Variants in ADAM20 observed in about 807,000 individuals in gnomAD.
The protein encoded by ADAM20 is ADAM metallopeptidase domain 20.
For synonymous variants in ADAM20, 305 were observed against 310.2 expected, an observed-to-expected ratio of 0.98 and a Z score of 0.18; for missense variants, 871 against 883.2, an observed-to-expected ratio of 0.99 and a Z score of 0.18.
At chr14:70,543,784 A>C in the ADAM20 span, among the ~76,000 whole-genome samples, 1 of 152,178 alleles carries the variant, frequency 6.6e-6, no homozygotes. Flanking sequence ...AAAACTCTCC[A>C]ACCCCTTGTC....
the ADAM20 span, among the ~76,000 whole-genome samples, chr14:70,577,482 G>A: frequency 2.6e-5 from 4 of 152,094 alleles, no homozygotes. Context: ...GGAGTAACTG[G>A]CACCAAATAC....
chr14:70,569,919 C>T, the ADAM20 span, among the ~76,000 whole-genome samples: 1 of 134,386 alleles, frequency 7.4e-6, no homozygotes, highest in African/African-American at 2.7e-5. Flanking sequence ...AAAAAACACT[C>T]TGGACTTAAA....
At chr14:70,568,819 CA>C in the ADAM20 span, among the ~76,000 whole-genome samples, 3 of 150,740 alleles carry the variant, frequency 2.0e-5, no homozygotes, top group Non-Finnish European at 3.0e-5. Flanking sequence ...CCAGATAAAG[CA>C]AAAAAAAGAA....
chr14:70,534,094 A>C (rs1454118365), intron 1 of ADAM20, among the ~76,000 whole-genome samples: 15 of 147,960 alleles, frequency 1.0e-4, no homozygotes, highest in African/African-American at 3.5e-4. Flanking sequence ...AAAAAAAAAA[A>C]AAAAAAAAAA....
Position 70,523,599 on chromosome 14 carries a change from T to C in ADAM20, c.1159A>G (p.Ser387Gly), listed in dbSNP as rs1883507852. Residue 387 changes from serine to glycine, a missense_variant, in exon 2 of 2, where the codon AGT becomes GGT. Transcript: ENST00000256389. ...SNCSYAQYWD[S>G]TISSGLCIQP... ...ATACATAATCCACTACTGATAGTAC[T>C]GTCCCAATATTGGGCATAACTGCAG... The C allele has an allele frequency of 6.8e-6, 11 of 1,614,108 alleles. No homozygotes were observed. Among genetic ancestry groups the C allele is most frequent in the Non-Finnish European group, 8.5e-6 (10 of 1,179,996 alleles).
chr14:70,535,980 A>G (rs1883823231), upstream of ADAM20, among the ~76,000 whole-genome samples: 1 of 152,242 alleles, frequency 6.6e-6, no homozygotes, highest in African/African-American at 2.4e-5. Context: ...TCATTCAGTA[A>G]CTGATAGAAC....
upstream of ADAM20, among the ~76,000 whole-genome samples, chr14:70,538,538 G>GT (rs1351002846): frequency 2.2e-4 from 33 of 152,194 alleles, no homozygotes; most frequent in African/African-American, 7.0e-4. Context: ...CCTGGAAAAG[G>GT]TTTTTTCCCA....
the ADAM20 span, among the ~76,000 whole-genome samples, chr14:70,578,522 C>A: frequency 1.1e-4 from 17 of 152,128 alleles, no homozygotes; most frequent in Non-Finnish European, 2.4e-4. Flanking sequence ...AGCGTCTGCA[C>A]AGCGAAAGAA....
the ADAM20 span, among the ~76,000 whole-genome samples, chr14:70,575,223 C>A: frequency 6.6e-6 from 1 of 151,506 alleles, no homozygotes; most frequent in Non-Finnish European, 1.5e-5. Flanking sequence ...GAGGCAGAGT[C>A]TTGCTCGGTC....
the ADAM20 span, among the ~76,000 whole-genome samples, chr14:70,573,607 A>G: frequency 6.6e-6 from 1 of 152,334 alleles, no homozygotes; most frequent in East Asian, 1.9e-4. Flanking sequence ...AGTGACTACA[A>G]AAACAAGATC....
chr14:70,536,142 G>T (rs564833528), upstream of ADAM20, among the ~76,000 whole-genome samples: 191 of 152,134 alleles, frequency 1.3e-3, 1 homozygote, highest in African/African-American at 4.0e-3. Context: ...AATATCCATG[G>T]GCATAATGGA....
At chr14:70,571,352 A>T in the ADAM20 span, among the ~76,000 whole-genome samples, 2 of 152,180 alleles carry the variant, frequency 1.3e-5, no homozygotes, top group African/African-American at 4.8e-5. Flanking sequence ...ATAGTGAATC[A>T]GTTCTCACAG....
rs759851332 is a variant in ADAM20, at chr14:70,524,913, C to T, written c.-156G>A. Reference sequence around the variant, plus strand: ...TCCTGGTGGAGCTGGACCATCAGAGCTGCAGTGCTGAAAATAAAAACTGAA... The same window carrying T: ...TCCTGGTGGAGCTGGACCATCAGAGTTGCAGTGCTGAAAATAAAAACTGAA... On this transcript the variant is annotated 5_prime_UTR_variant, in exon 2 of 2. Coordinates refer to ENST00000256389, the MANE Select transcript of ADAM20 (RefSeq NM_003814.5). The T allele has an allele frequency of 1.3e-6, 2 of 1,584,540 alleles. No individual in the cohort carries two copies. Among genetic ancestry groups the T allele is most frequent in the South Asian group, 2.3e-5 (2 of 87,204 alleles).
chr14:70,524,689 C>T lies in ADAM20; in HGVS notation c.69G>A (p.Leu23=), dbSNP rs952524221. ...TLLLLWFGMF[L]SISGHSQARP... ...TGGCCTGAGAGTGGCCAGAAATAGACAAAAACATCCCAAACCAGAGCAGCA... is the reference window on the plus strand; with the variant it reads ...TGGCCTGAGAGTGGCCAGAAATAGATAAAAACATCCCAAACCAGAGCAGCA... Residue 23 remains leucine, a synonymous_variant, in exon 2 of 2, where the codon TTG becomes TTA. Transcript: ENST00000256389. 2.7e-5 allele frequency: 44 copies of T among 1,613,908 alleles called. No individual in the cohort carries two copies. The highest frequency in any genetic ancestry group is 5.0e-5 in the Admixed American group (3 of 59,976).
chr14:70,567,329 G>A, the ADAM20 span, among the ~76,000 whole-genome samples: 2 of 152,190 alleles, frequency 1.3e-5, no homozygotes, highest in Non-Finnish European at 2.9e-5. Context: ...TGGGCCCCCA[G>A]GAAGTTGTGA....
In ADAM20 at chr14:70,523,113, T is replaced by C. The variant is rs756866099; in HGVS notation, c.1645A>G (p.Thr549Ala). 2.5e-6 allele frequency: 4 copies of C among 1,613,928 alleles called. No homozygotes were observed. Among genetic ancestry groups the C allele is most frequent in the Non-Finnish European group, 3.4e-6 (4 of 1,179,958 alleles). Reference protein sequence around the residue: ...NRFGHCGIVGTTYVKCWTPDI... With the variant: ...NRFGHCGIVGATYVKCWTPDI... ...GGGGTCCAACATTTTACATATGTTGTGCCTACAATACCACAGTGACCGAAA... is the reference window on the plus strand; with the variant it reads ...GGGGTCCAACATTTTACATATGTTGCGCCTACAATACCACAGTGACCGAAA... The change falls in exon 2 of 2, where the codon ACA (threonine) becomes GCA (alanine). Residue 549 changes from threonine (T) to alanine (A), a missense_variant. Coordinates refer to ENST00000256389, the MANE Select transcript of ADAM20 (RefSeq NM_003814.5).
Position 70,523,143 on chromosome 14 carries a change from T to C in ADAM20, c.1615A>G (p.Asn539Asp). The change falls in exon 2 of 2, where the codon AAC (asparagine) becomes GAC (aspartate). Residue 539 changes from asparagine to aspartate, a missense_variant. Coordinates refer to ENST00000256389, the MANE Select transcript of ADAM20 (RefSeq NM_003814.5). Reference sequence around the variant, plus strand: ...ACAATACCACAGTGACCGAAACGGTTTCCTTGGGTGTTGATTTCTTGGTAG... The same window carrying C: ...ACAATACCACAGTGACCGAAACGGTCTCCTTGGGTGTTGATTTCTTGGTAG... ...SCYQEINTQG[N>D]RFGHCGIVGT... 4 of 1,613,976 alleles carry C rather than the reference T, an allele frequency of 2.5e-6. No individual in the cohort carries two copies. The highest frequency in any genetic ancestry group is 2.5e-6 in the Non-Finnish European group (3 of 1,179,936).
the ADAM20 span, among the ~76,000 whole-genome samples, chr14:70,566,012 A>G: frequency 3.3e-5 from 5 of 152,144 alleles, no homozygotes; most frequent in Non-Finnish European, 5.9e-5. Flanking sequence ...AAAATTTCCC[A>G]AACAAAAGCT....
the ADAM20 span, among the ~76,000 whole-genome samples, chr14:70,540,537 A>G: frequency 6.6e-6 from 1 of 152,202 alleles, no homozygotes; most frequent in South Asian, 2.1e-4. Flanking sequence ...GCCAAATACT[A>G]TAAGGTATCA....
Sources: allele counts gnomAD v4.1 joint callset (sites outside exome capture counted in the v4.1 genomes callset), GRCh38; gene constraint gnomAD v4.1.1; transcripts MANE v1.5; gene names NCBI Gene and HGNC (gene_info 2026-07-23, HGNC 2026-07-21).